Variants in DPYSL2 observed in about 807,000 individuals in gnomAD.
The protein encoded by DPYSL2 is dihydropyrimidinase like 2, also known as dihydropyrimidinase-related protein 2.
Under a neutral mutation model 69.9 loss-of-function variants are expected in DPYSL2, and 13 were observed. The observed-to-expected ratio is 0.19, with a 90% CI of 0.12 to 0.30. DPYSL2 has a LOEUF of 0.30. Among genes scored for constraint, DPYSL2 ranks in the 10% least tolerant of loss-of-function variants. The pLI is 1.00. For missense variants in DPYSL2, 587 were observed against 918.9 expected (o/e 0.64, Z 4.67); for synonymous variants, 326 against 359.1 (o/e 0.91, Z 1.04).
intron 1 of DPYSL2, among the ~76,000 whole-genome samples, chr8:26,567,604 C>T (rs35622663): frequency 0.1 from 15,572 of 152,262 alleles, 882 homozygotes; most frequent in Non-Finnish European, 0.12. Context: ...TCTGTACAGC[C>T]CCCAGTGGGG....
At chr8:26,611,569 C>A (rs1163699804) in intron 3 of DPYSL2, among the ~76,000 whole-genome samples, 2 of 152,170 alleles carry the variant, frequency 1.3e-5, no homozygotes, top group Non-Finnish European at 2.9e-5. Flanking sequence ...GTGCTGTAAA[C>A]GTGGCCTTTT....
Position 26,643,376 on chromosome 8 carries a change from A to C in DPYSL2, c.1127-63A>C, listed in dbSNP as rs1585569168. The C allele has an allele frequency of 6.6e-7, 1 of 1,515,786 alleles. No individual in the cohort carries two copies. The highest frequency in any genetic ancestry group is 1.3e-5 in the South Asian group (1 of 75,448). The allele number at this position is 1,515,786 out of a possible 1,614,324, so 93.9% of individuals were successfully genotyped here. On this transcript the variant is annotated intron_variant, in intron 8 of 13. Transcript: ENST00000521913. The surrounding 1 kb of genome is among the most constrained non-coding windows in gnomAD (Gnocchi z 6.5). ...GCTGCTGGGCAGGCAGTGGCTCCTC[A>C]TAGGGGTGGTTCCCTTCCCCCTGCA... is the stretch of plus-strand genomic sequence containing the variant.
intron 1 of DPYSL2, among the ~76,000 whole-genome samples, chr8:26,576,682 A>G (rs1184805192): frequency 6.6e-6 from 1 of 152,248 alleles, no homozygotes; most frequent in Admixed American, 6.5e-5. Flanking sequence ...CTGCCTGGGC[A>G]GTCAGGACAC....
chr8:26,538,398 A>G (rs2117620293), intron 1 of DPYSL2, among the ~76,000 whole-genome samples: 1 of 152,280 alleles, frequency 6.6e-6, no homozygotes, highest in South Asian at 2.1e-4. Flanking sequence ...GAAGCATTTT[A>G]ACCTATGCTA....
At chr8:26,590,472 G>A (rs1801701286) in intron 3 of DPYSL2, among the ~76,000 whole-genome samples, 1 of 136,156 alleles carries the variant, frequency 7.3e-6, no homozygotes, top group Non-Finnish European at 1.6e-5. Flanking sequence ...ACCCTCAGGT[G>A]TCACTGCGTG....
chr8:26,618,965 AAAAAAAGAAAAG>A (rs1225781735), intron 3 of DPYSL2, among the ~76,000 whole-genome samples: 2 of 152,004 alleles, frequency 1.3e-5, no homozygotes, highest in Non-Finnish European at 2.9e-5. Flanking sequence ...TCTCAAAAGA[AAAAAAAGAAAAG>A]AAAAAAGAAA....
chr8:26,651,109 T>G (rs1425013472), intron 11 of DPYSL2, among the ~76,000 whole-genome samples: 1 of 152,208 alleles, frequency 6.6e-6, no homozygotes, highest in Non-Finnish European at 1.5e-5. Flanking sequence ...CAGAGTCCTC[T>G]TCCCTCCCTG....
rs1266094070 is a variant in DPYSL2, at chr8:26,634,957, G to C, written c.1126+57G>C. On this transcript the variant is annotated intron_variant, in intron 8 of 13. Coordinates refer to ENST00000521913, the MANE Select transcript of DPYSL2 (RefSeq NM_001197293.3). The stretch of plus-strand genomic sequence containing the variant: ...GGTGGGGAGGTTTGGAGGGGAGGGG[G>C]GCTCCTCACTAGGGAGGGCTCCTTT... The C allele has an allele frequency of 2.5e-6, 4 of 1,606,194 alleles. No individual in the cohort carries two copies. The African/African-American group carries it at 5.3e-5, about 21-fold the overall frequency.
At chr8:26,634,217 A>G (rs1186286603) in intron 7 of DPYSL2, among the ~76,000 whole-genome samples, 1 of 152,184 alleles carries the variant, frequency 6.6e-6, no homozygotes, top group African/African-American at 2.4e-5. Flanking sequence ...GCCAGTGCTG[A>G]TGTCACAGGC....
At position 26,644,388 on chromosome 8, in the gene DPYSL2, C is replaced by T. The variant is rs2129973349; in HGVS notation, c.1425+297C>T. Reference sequence around the variant, plus strand: ...GTGGTACAATCATAGCTCACTGTAGCCTCAAACTCCTGGGCTCAGGTGATC... The same window carrying T: ...GTGGTACAATCATAGCTCACTGTAGTCTCAAACTCCTGGGCTCAGGTGATC... On this transcript the variant is annotated intron_variant, in intron 10 of 13. Transcript: ENST00000521913. The surrounding 1 kb of genome is among the most constrained non-coding windows in gnomAD (Gnocchi z 4.5). Among the ~76,000 whole-genome samples the T allele has an allele frequency of 6.6e-6, 1 of 152,262 alleles. No homozygotes were observed. The highest frequency in any genetic ancestry group is 2.4e-5 in the African/African-American group (1 of 41,552).
intron 3 of DPYSL2, among the ~76,000 whole-genome samples, chr8:26,611,764 G>T (rs1420894915): frequency 6.6e-6 from 1 of 152,186 alleles, no homozygotes. Context: ...TTTACGGATG[G>T]CATTTCCTAT....
At position 26,610,387 on chromosome 8, in the gene DPYSL2, C is replaced by G. The variant is rs1395688590; in HGVS notation, c.629-13756C>G. The stretch of plus-strand genomic sequence containing the variant: ...GGGGCTGCCCTGGGATGTGAAAAGT[C>G]TGTTTATGTCTGTTGACAGAGGGTC... On this transcript the variant is annotated intron_variant, in intron 3 of 13. Coordinates refer to ENST00000521913, the MANE Select transcript of DPYSL2 (RefSeq NM_001197293.3). The surrounding 1 kb of genome is among the most constrained non-coding windows in gnomAD (Gnocchi z 4.5). Among the ~76,000 whole-genome samples, 2 of 152,178 alleles carry G rather than the reference C, an allele frequency of 1.3e-5. No homozygotes were observed. The highest frequency in any genetic ancestry group is 4.8e-5 in the African/African-American group (2 of 41,422).
rs78391256 is a variant in DPYSL2 at position 26,592,480 on chromosome 8, T to G, written c.628+8497T>G. On this transcript the variant is annotated intron_variant, in intron 3 of 13. Coordinates refer to ENST00000521913, the MANE Select transcript of DPYSL2 (RefSeq NM_001197293.3). Reference sequence around the variant, plus strand: ...TACATTAGTTTTTTTTTTTTTGTTTTTTTTTTTTTATTAAGACGGAGTTTT... The same window carrying G: ...TACATTAGTTTTTTTTTTTTTGTTTGTTTTTTTTTATTAAGACGGAGTTTT... Among the ~76,000 whole-genome samples the G allele has an allele frequency of 2.4e-3, 354 of 146,140 alleles. 1 individual carries two copies. The highest frequency in any genetic ancestry group is 8.2e-3 in the African/African-American group (320 of 38,936).
intron 1 of DPYSL2, among the ~76,000 whole-genome samples, chr8:26,549,310 C>T (rs1036951269): frequency 6.6e-6 from 1 of 151,396 alleles, no homozygotes; most frequent in African/African-American, 2.4e-5. Context: ...GAGGCAGGAC[C>T]CAGCCAAAGA....
At chr8:26,575,939 G>C (rs1322528739) in intron 1 of DPYSL2, among the ~76,000 whole-genome samples, 1 of 152,130 alleles carries the variant, frequency 6.6e-6, no homozygotes, top group Non-Finnish European at 1.5e-5. Context: ...TTCACAAGTA[G>C]AGAGAGGCCA....
At chr8:26,521,651 TA>T (rs1808386744) in intron 1 of DPYSL2, among the ~76,000 whole-genome samples, 1 of 152,164 alleles carries the variant, frequency 6.6e-6, no homozygotes, top group Non-Finnish European at 1.5e-5. Context: ...TTTGTACCAT[TA>T]AGCAGTCACT....
At position 26,564,968 on chromosome 8, in the gene DPYSL2, G is replaced by T. The variant is rs996469398; in HGVS notation, c.355-17001G>T. On this transcript the variant is annotated intron_variant, in intron 1 of 13. Coordinates refer to ENST00000521913, the MANE Select transcript of DPYSL2 (RefSeq NM_001197293.3). This position sits in a 1 kb window ranked among gnomAD's most constrained non-coding sequence, Gnocchi z 4.8. The stretch of plus-strand genomic sequence containing the variant: ...TCTCCAAAGTCCATTATATCACTCT[G>T]TATGCCTTTGTGTATTCATAGCTTA... Among the ~76,000 whole-genome samples the T allele has an allele frequency of 3.3e-5, 5 of 152,002 alleles. No homozygotes were observed. The highest frequency in any genetic ancestry group is 9.7e-5 in the African/African-American group (4 of 41,378).
chr8:26,524,066 A>G (rs565785963), intron 1 of DPYSL2, among the ~76,000 whole-genome samples: 52 of 152,354 alleles, frequency 3.4e-4, no homozygotes, highest in African/African-American at 1.1e-3. Context: ...TAATTTGATA[A>G]CTATTTAATT....
chr8:26,527,804 C>CT (rs34631984), intron 1 of DPYSL2, among the ~76,000 whole-genome samples: 2,643 of 132,666 alleles, frequency 0.02, 58 homozygotes, highest in Middle Eastern at 0.065. Flanking sequence ...TTTGTTTATC[C>CT]TTTTTTTTTT....
Sources: gnomAD v4.1 joint callset for allele counts (sites outside exome capture counted in the v4.1 genomes callset) on GRCh38, gnomAD v4.1.1 for gene constraint, Gnocchi (gnomAD v3.1) non-coding constraint, MANE v1.5 for transcripts, NCBI Gene and HGNC (gene_info 2026-07-23, HGNC 2026-07-21) for gene names.